PDE1A: variants seen among roughly 807,000 people sequenced by gnomAD.
PDE1A encodes the protein phosphodiesterase 1A.
Under a neutral mutation model 61.7 loss-of-function variants are expected in PDE1A, and 35 were observed. The ratio of observed to expected loss-of-function variants is 0.57; its 90% CI spans 0.43 to 0.75. PDE1A has a LOEUF of 0.75. Ranked by LOEUF, PDE1A falls within the 30% of genes least tolerant of loss-of-function variation. The pLI is 0.00. For synonymous variants in PDE1A, 232 were observed against 213.2 expected, an observed-to-expected ratio of 1.09 and a Z score of -0.77; for missense variants, 597 against 630.6, an observed-to-expected ratio of 0.95 and a Z score of 0.57.
chr2:182,201,434 G>A lies in PDE1A; in HGVS notation c.1125+5C>T. 1 of 1,613,432 alleles carries A rather than the reference G, an allele frequency of 6.2e-7. No individual in the cohort carries two copies. Among genetic ancestry groups the A allele is most frequent in the Middle Eastern group, 1.7e-4 (1 of 6,042 alleles). On this transcript the variant is annotated splice_donor_5th_base_variant and intron_variant, in intron 10 of 13. Coordinates refer to ENST00000351439, the Ensembl canonical transcript of PDE1A. Reference sequence around the variant, plus strand: ...AAACATTTGCACAGAGTGTGAAAGAGGCACCTGCAGGAAAAACTCCTCCAT... The same window carrying A: ...AAACATTTGCACAGAGTGTGAAAGAAGCACCTGCAGGAAAAACTCCTCCAT...
At chr2:182,276,947 T>C (rs1327075687) in intron 1 of PDE1A, among the ~76,000 whole-genome samples, 1 of 150,096 alleles carries the variant, frequency 6.7e-6, no homozygotes, top group Non-Finnish European at 1.5e-5. Flanking sequence ...AATCCCGTCC[T>C]GGTAAATTTG....
intron 2 of PDE1A, among the ~76,000 whole-genome samples, chr2:182,447,601 A>G (rs551298134): frequency 6.6e-6 from 1 of 152,148 alleles, no homozygotes; most frequent in South Asian, 2.1e-4. Context: ...ACACATGCCT[A>G]CCCTGTAAAG....
chr2:182,470,775 C>A (rs777511014), intron 2 of PDE1A, among the ~76,000 whole-genome samples: 10 of 151,784 alleles, frequency 6.6e-5, no homozygotes, highest in Non-Finnish European at 1.3e-4. Context: ...CGAACACAGT[C>A]ATGGAGTGAA....
intron 1 of PDE1A, among the ~76,000 whole-genome samples, chr2:182,304,057 T>C (rs1695420868): frequency 6.6e-6 from 1 of 152,094 alleles, no homozygotes; most frequent in Non-Finnish European, 1.5e-5. Flanking sequence ...TGTGCCACCA[T>C]GACCAGCTAA....
rs144793219 is a variant in PDE1A, at chr2:182,184,498, A to T, written c.1516+1394T>A. On this transcript the variant is annotated intron_variant, in intron 13 of 13. Coordinates refer to ENST00000351439, the Ensembl canonical transcript of PDE1A. ...AAATCAAGTAAAATTATTCATAAAT[A>T]AAAGTAAGATACAGACATTCCCAGA... 3.8e-3 allele frequency among the ~76,000 whole-genome samples: 582 copies of T among 152,322 alleles called. 3 individuals carry two copies. The highest frequency in any genetic ancestry group is 0.013 in the African/African-American group (553 of 41,588).
At chr2:182,497,344 T>C (rs553842534) in intron 2 of PDE1A, among the ~76,000 whole-genome samples, 55 of 152,278 alleles carry the variant, frequency 3.6e-4, no homozygotes, top group African/African-American at 1.3e-3. Flanking sequence ...TAAAGATCCC[T>C]GAAAAGATGC....
At chr2:182,662,799 G>A in the PDE1A span, among the ~76,000 whole-genome samples, 1 of 152,108 alleles carries the variant, frequency 6.6e-6, no homozygotes, top group Non-Finnish European at 1.5e-5. Context: ...AGATACCAAA[G>A]CAACTGCAAC....
At chr2:182,249,703 T>C (rs1197432791) in intron 2 of PDE1A, among the ~76,000 whole-genome samples, 1 of 147,834 alleles carries the variant, frequency 6.8e-6, no homozygotes, top group Non-Finnish European at 1.5e-5. Context: ...TCTGAGCTGC[T>C]TGTACCCTTC....
At chr2:182,373,470 A>T (rs1490828401) in intron 1 of PDE1A, among the ~76,000 whole-genome samples, 1 of 152,232 alleles carries the variant, frequency 6.6e-6, no homozygotes, top group Non-Finnish European at 1.5e-5. Context: ...TCATTAAGTG[A>T]TTTGGTCATG....
the PDE1A span, among the ~76,000 whole-genome samples, chr2:182,609,229 AGGC>A: frequency 1.3e-5 from 2 of 152,186 alleles, no homozygotes; most frequent in Admixed American, 1.3e-4. Flanking sequence ...GGGATTGTAA[AGGC>A]ACCAATCAGC....
In PDE1A at chr2:182,288,359, C is replaced by A. The variant is rs73036264; in HGVS notation, c.54-23945G>T. ...CAGTGCAAATGCAATTTACAAATCA[C>A]AGTGTAATCTCTATGTCCTGGACTA... On this transcript the variant is annotated intron_variant, in intron 1 of 13. Coordinates refer to ENST00000351439, the Ensembl canonical transcript of PDE1A. Among the ~76,000 whole-genome samples, 689 of 152,194 alleles carry A rather than the reference C, an allele frequency of 4.5e-3. 4 individuals carry two copies. The highest frequency in any genetic ancestry group is 0.015 in the African/African-American group (623 of 41,534).
chr2:182,353,080 C>T (rs969020826), intron 1 of PDE1A, among the ~76,000 whole-genome samples: 8 of 152,118 alleles, frequency 5.3e-5, no homozygotes, highest in Non-Finnish European at 1.2e-4. Flanking sequence ...ACTACTATCA[C>T]AATTACATAT....
At chr2:182,428,171 G>GTCC (rs1278492637), upstream of PDE1A, among the ~76,000 whole-genome samples, 1 of 152,096 alleles carries the variant, frequency 6.6e-6, no homozygotes, top group Non-Finnish European at 1.5e-5. Flanking sequence ...ATGGGTTCTA[G>GTCC]TCCTAGTTCT....
At chr2:182,679,495 C>T in the PDE1A span, among the ~76,000 whole-genome samples, 4 of 151,880 alleles carry the variant, frequency 2.6e-5, no homozygotes, top group African/African-American at 7.2e-5. Flanking sequence ...GCCACCGCAC[C>T]GGGCTCTAAT....
At chr2:182,546,384 T>C in the PDE1A span, among the ~76,000 whole-genome samples, 1 of 152,076 alleles carries the variant, frequency 6.6e-6, no homozygotes, top group Non-Finnish European at 1.5e-5. Context: ...GAGCAAGGCA[T>C]TCTTGGTGGT....
intron 2 of PDE1A, among the ~76,000 whole-genome samples, chr2:182,505,338 CTATGTAGT>C (rs1689337795): frequency 6.6e-6 from 1 of 152,184 alleles, no homozygotes; most frequent in South Asian, 2.1e-4. Context: ...CTCCTACCCA[CTATGTAGT>C]TATCTAGAGT....
At chr2:182,144,158 T>C (rs1295818309), downstream of PDE1A, among the ~76,000 whole-genome samples, 1 of 152,224 alleles carries the variant, frequency 6.6e-6, no homozygotes, top group African/African-American at 2.4e-5. Flanking sequence ...TTTTGATCTC[T>C]TGTTGGATAG....
At chr2:182,556,608 T>G in the PDE1A span, among the ~76,000 whole-genome samples, 1 of 152,216 alleles carries the variant, frequency 6.6e-6, no homozygotes, top group Admixed American at 6.5e-5. Flanking sequence ...ATGAGTCCAA[T>G]GAGCCCTTTA....
At chr2:182,461,779 TC>T (rs1686303511) in intron 2 of PDE1A, among the ~76,000 whole-genome samples, 1 of 152,168 alleles carries the variant, frequency 6.6e-6, no homozygotes, top group African/African-American at 2.4e-5. Flanking sequence ...AAGATTTGTT[TC>T]CTCTGCATAT....
Sources: gnomAD v4.1 joint callset for allele counts (sites outside exome capture counted in the v4.1 genomes callset) on GRCh38, gnomAD v4.1.1 for gene constraint, MANE v1.5 for transcripts, NCBI Gene and HGNC (gene_info 2026-07-23, HGNC 2026-07-21) for gene names.